VWC2: variants seen among roughly 807,000 people sequenced by gnomAD.
VWC2 encodes von Willebrand factor C domain containing 2.
Under a neutral mutation model 29.8 loss-of-function variants are expected in VWC2, and 14 were observed. That is an observed-to-expected ratio of 0.47 (90% confidence interval 0.31 to 0.74). The LOEUF (loss-of-function observed/expected upper bound fraction) is 0.74, where lower values mean the gene tolerates loss of function less well. VWC2 is among the 30% of genes least tolerant of loss of function. The probability of loss-of-function intolerance (pLI) is 0.05; values close to 1 mark genes in which losing one functional copy is unlikely to be tolerated. For missense variants in VWC2, 457 were observed against 459.8 expected, an observed-to-expected ratio of 0.99 and a Z score of 0.05; for synonymous variants, 213 against 199.0, an observed-to-expected ratio of 1.07 and a Z score of -0.59.
intron 3 of VWC2, among the ~76,000 whole-genome samples, chr7:49,887,589 T>G (rs754713368): frequency 2.6e-5 from 4 of 152,180 alleles, no homozygotes; most frequent in Non-Finnish European, 5.9e-5. Context: ...GATAATCAGA[T>G]GTCAATGGCA....
intron 2 of VWC2, among the ~76,000 whole-genome samples, chr7:49,788,834 ATGAG>A (rs1004249178): frequency 1.6e-4 from 17 of 105,096 alleles, no homozygotes; most frequent in East Asian, 6.5e-4. Flanking sequence ...ATATGTGGGT[ATGAG>A]TGTGTGTGAG....
chr7:49,790,468 A>C (rs904512623), intron 2 of VWC2, among the ~76,000 whole-genome samples: 3 of 152,182 alleles, frequency 2.0e-5, no homozygotes, highest in Non-Finnish European at 4.4e-5. Context: ...AGAAAAAAAA[A>C]TTCTTTTCTG....
chr7:49,881,438 G>C (rs963110132), intron 3 of VWC2, among the ~76,000 whole-genome samples: 3 of 152,156 alleles, frequency 2.0e-5, no homozygotes, highest in African/African-American at 4.8e-5. Context: ...AAAAAATAGA[G>C]AGAGAGCACT....
intron 3 of VWC2, among the ~76,000 whole-genome samples, chr7:49,816,146 T>C (rs1789137742): frequency 6.6e-6 from 1 of 152,046 alleles, no homozygotes. Flanking sequence ...AGTTGGAAAG[T>C]GTGAGGCAGG....
At chr7:49,778,978 G>A (rs1293102544) in intron 2 of VWC2, among the ~76,000 whole-genome samples, 1 of 152,072 alleles carries the variant, frequency 6.6e-6, no homozygotes, top group Non-Finnish European at 1.5e-5. Flanking sequence ...AGATTATTTG[G>A]GCCTCAGTCC....
intron 3 of VWC2, among the ~76,000 whole-genome samples, chr7:49,814,729 C>T (rs1310349475): frequency 1.3e-5 from 2 of 152,180 alleles, no homozygotes; most frequent in Non-Finnish European, 2.9e-5. Context: ...AAGCCAGGGA[C>T]TCAGATCAAA....
At chr7:49,852,275 T>C (rs1790211160) in intron 3 of VWC2, among the ~76,000 whole-genome samples, 1 of 152,208 alleles carries the variant, frequency 6.6e-6, no homozygotes, top group African/African-American at 2.4e-5. Context: ...CAGGGGGTCA[T>C]GGTGGCTCTG....
chr7:49,857,933 T>G (rs1190389304), intron 3 of VWC2, among the ~76,000 whole-genome samples: 1 of 152,216 alleles, frequency 6.6e-6, no homozygotes, highest in Non-Finnish European at 1.5e-5. Context: ...CTGATGCTGA[T>G]ACATCAGAGA....
chr7:49,780,911 T>TA (rs532104637), intron 2 of VWC2, among the ~76,000 whole-genome samples: 1 of 152,160 alleles, frequency 6.6e-6, no homozygotes. Context: ...TTTTATCAAT[T>TA]AAAAAAATTT....
intron 3 of VWC2, among the ~76,000 whole-genome samples, chr7:49,878,468 T>C (rs762732844): frequency 7.9e-5 from 12 of 152,192 alleles, no homozygotes; most frequent in Non-Finnish European, 1.2e-4. Flanking sequence ...TCTTAAATAA[T>C]GTATTTGCTC....
chr7:49,818,640 AC>A (rs1789202202), intron 3 of VWC2, among the ~76,000 whole-genome samples: 1 of 151,768 alleles, frequency 6.6e-6, no homozygotes. Flanking sequence ...ATCTGGCTAG[AC>A]CTGCTGCCGG....
chr7:49,846,337 C>G (rs1448256503), intron 3 of VWC2, among the ~76,000 whole-genome samples: 2 of 152,214 alleles, frequency 1.3e-5, no homozygotes, highest in Admixed American at 6.5e-5. Context: ...TCTTTACCTG[C>G]ACTTCTGTGA....
intron 2 of VWC2, among the ~76,000 whole-genome samples, chr7:49,782,502 G>A (rs1431218491): frequency 2.0e-5 from 3 of 151,572 alleles, no homozygotes; most frequent in African/African-American, 7.3e-5. Flanking sequence ...TTTATCCAGT[G>A]CTTCCCTGGA....
intron 3 of VWC2, among the ~76,000 whole-genome samples, chr7:49,876,164 A>G (rs113734911): frequency 0.03 from 4,570 of 152,302 alleles, 193 homozygotes; most frequent in South Asian, 0.13. Context: ...TCTTGGCTGT[A>G]TAAGAACTTG....
At chr7:49,818,377 T>C (rs1182082334) in intron 3 of VWC2, among the ~76,000 whole-genome samples, 1 of 152,156 alleles carries the variant, frequency 6.6e-6, no homozygotes, top group Non-Finnish European at 1.5e-5. Context: ...GAAAGAACAG[T>C]TGTTTTTTTC....
intron 3 of VWC2, among the ~76,000 whole-genome samples, chr7:49,883,911 T>A (rs1384636): frequency 6.6e-6 from 1 of 152,100 alleles, no homozygotes; most frequent in African/African-American, 2.4e-5. Flanking sequence ...TGGCTTCGGA[T>A]TGTCTTCTGC....
intron 3 of VWC2, among the ~76,000 whole-genome samples, chr7:49,853,086 T>C (rs2128717258): frequency 6.6e-6 from 1 of 152,368 alleles, no homozygotes; most frequent in Non-Finnish European, 1.5e-5. Flanking sequence ...GCCCAGCTCT[T>C]GCTGCAGGCT....
chr7:49,884,321 A>G (rs1164212732), intron 3 of VWC2, among the ~76,000 whole-genome samples: 1 of 152,244 alleles, frequency 6.6e-6, no homozygotes, highest in East Asian at 1.9e-4. Context: ...TGGAGAGCCA[A>G]TCACTGAGTT....
chr7:49,893,206 T>A (rs1346094761), intron 3 of VWC2, among the ~76,000 whole-genome samples: 2 of 152,132 alleles, frequency 1.3e-5, no homozygotes, highest in African/African-American at 2.4e-5. Flanking sequence ...ATAAATCAAC[T>A]TGAAAGGATT....
Sources: allele counts gnomAD v4.1 joint callset (sites outside exome capture counted in the v4.1 genomes callset), GRCh38; gene constraint gnomAD v4.1.1; transcripts MANE v1.5; gene names NCBI Gene and HGNC (gene_info 2026-07-23, HGNC 2026-07-21).